The following RELN variants were observed in gnomAD, a reference collection of about 807,000 sequenced individuals.
The protein encoded by RELN is reelin.
In RELN, 108 loss-of-function variants were observed where a neutral mutation model predicts 427.6. That is an observed-to-expected ratio of 0.25 (90% confidence interval 0.22 to 0.30). The LOEUF is 0.30. RELN is among the 10% of genes least tolerant of loss of function. The pLI is 1.00. For synonymous variants in RELN, 1,524 were observed against 1,513.4 expected, an observed-to-expected ratio of 1.01 and a Z score of -0.16; for missense variants, 3,715 against 4,302.8, an observed-to-expected ratio of 0.86 and a Z score of 3.82.
At position 103,503,172 on chromosome 7, in the gene RELN, TACTGC is replaced by T; in HGVS notation, c.8328_8332del (p.Gln2777PhefsTer3). 1 of 1,614,202 alleles carries T rather than the reference TACTGC, an allele frequency of 6.2e-7. No homozygotes were observed. On this transcript the variant is annotated frameshift_variant, in exon 52 of 65. Transcript: ENST00000428762. LOFTEE classifies it high-confidence loss of function. ...CCAACTCACACCGAAGTCAGTAGAA[TACTGC>T]ACATGAATTTGATTCTGGGCAATTT...
At position 103,697,917 on chromosome 7, in the gene RELN, A is replaced by C; in HGVS notation, c.1079T>G (p.Leu360Ter). 6.2e-7 allele frequency: 1 copy of C among 1,613,814 alleles called. No individual in the cohort carries two copies. The highest frequency in any genetic ancestry group is 8.5e-7 in the Non-Finnish European group (1 of 1,179,824). ...IINSAHRQVV[L>*]EDSLDPVDTG... is the part of the protein sequence containing the mutation. Reference sequence around the variant, plus strand: ...GTCCACTGGGTCGAGACTATCTTCTAAAACGACTTGTCTGTGAGCTGAATT... The same window carrying C: ...GTCCACTGGGTCGAGACTATCTTCTCAAACGACTTGTCTGTGAGCTGAATT... Residue 360 changes from leucine to a stop codon, truncating the protein, a stop_gained, in exon 10 of 65, where the codon TTA (leucine) becomes TGA (stop). Coordinates refer to ENST00000428762, the MANE Select transcript of RELN (RefSeq NM_005045.4). LOFTEE classifies it high-confidence loss of function.
chr7:103,788,407 T>C (rs1465247632), intron 3 of RELN, among the ~76,000 whole-genome samples: 1 of 152,170 alleles, frequency 6.6e-6, no homozygotes, highest in Non-Finnish European at 1.5e-5. Flanking sequence ...TTGTCTCTGT[T>C]TGCAGATGAC....
intron 1 of RELN, among the ~76,000 whole-genome samples, chr7:103,918,678 A>G (rs1795542603): frequency 6.6e-6 from 1 of 152,168 alleles, no homozygotes. Flanking sequence ...ATATAAAAGT[A>G]GTGCAAGGTT....
At chr7:103,474,874 T>C (rs549812993) in intron 64 of RELN, among the ~76,000 whole-genome samples, 217 of 152,082 alleles carry the variant, frequency 1.4e-3, no homozygotes, top group African/African-American at 4.8e-3. Flanking sequence ...GAATGCATAA[T>C]TGTATACATG....
chr7:103,684,697 T>C (rs1175206771), intron 10 of RELN, among the ~76,000 whole-genome samples: 2 of 152,144 alleles, frequency 1.3e-5, no homozygotes, highest in African/African-American at 2.4e-5. Flanking sequence ...TCTCAGGTTG[T>C]AGAATGGAAC....
chr7:103,791,102 GA>G lies in RELN; in HGVS notation c.474-14476del, dbSNP rs367592667. Among the ~76,000 whole-genome samples the G allele has an allele frequency of 1.5e-3, 219 of 150,608 alleles. 1 individual carries two copies. The highest frequency in any genetic ancestry group is 4.9e-3 in the African/African-American group (201 of 41,094). On this transcript the variant is annotated intron_variant, in intron 3 of 64. Transcript: ENST00000428762. ...TTGTACATAACTACTAAACATCACT[GA>G]AAAAAAAAGATGGAAATAAATGGAA... is the stretch of plus-strand genomic sequence containing the variant.
chr7:103,535,330 G>A lies in RELN; in HGVS notation c.7335C>T (p.Leu2445=), dbSNP rs1228886851. ...FNKWTRITLP[L]PPYTRSQATR... is the part of the protein sequence containing the mutation. Reference sequence around the variant, plus strand: ...AGCATTCTTACCTGGTATAAGGAGGGAGAGGCAGAGTGATTCTAGTCCACT... The same window carrying A: ...AGCATTCTTACCTGGTATAAGGAGGAAGAGGCAGAGTGATTCTAGTCCACT... The change falls in exon 46 of 65, where the codon CTC becomes CTT. Residue 2445 remains leucine (L), a synonymous_variant. Transcript: ENST00000428762. 2 of 1,613,858 alleles carry A rather than the reference G, an allele frequency of 1.2e-6. No homozygotes were observed. Among genetic ancestry groups the A allele is most frequent in the Non-Finnish European group, 1.7e-6 (2 of 1,179,918 alleles).
chr7:103,728,248 T>G, intron 6 of RELN, 41 bp from the exon 7 acceptor site: 2 of 1,580,278 alleles, frequency 1.3e-6, no homozygotes, highest in Non-Finnish European at 1.7e-6. Context: ...GAGAACTAAG[T>G]AGCACACGTG....
chr7:103,623,393 A>G (rs1260133691), intron 20 of RELN, among the ~76,000 whole-genome samples: 1 of 152,222 alleles, frequency 6.6e-6, no homozygotes, highest in East Asian at 1.9e-4. Flanking sequence ...TATAAGCTAC[A>G]GGTTAATGTT....
intron 41 of RELN, among the ~76,000 whole-genome samples, chr7:103,548,431 C>G (rs1380206680): frequency 6.6e-6 from 1 of 152,200 alleles, no homozygotes; most frequent in African/African-American, 2.4e-5. Flanking sequence ...GAAAATTTAA[C>G]TTTTGCCTTC....
chr7:103,482,700 A>G (rs926758800), intron 63 of RELN, 173 bp downstream of exon 63: 29 of 871,636 alleles, frequency 3.3e-5, no homozygotes, highest in Non-Finnish European at 3.9e-5. Context: ...GGGCTTTGCT[A>G]TTTCACTGAT....
rs1205685450 is a variant in RELN at position 103,496,786 on chromosome 7, C to A, written c.8951-18G>T. The A allele has an allele frequency of 6.2e-7, 1 of 1,612,792 alleles. No homozygotes were observed. Among genetic ancestry groups the A allele is most frequent in the Admixed American group, 1.7e-5 (1 of 59,994 alleles). On this transcript the variant is annotated intron_variant, in intron 55 of 64. Coordinates refer to ENST00000428762, the MANE Select transcript of RELN (RefSeq NM_005045.4). Reference sequence around the variant, plus strand: ...GGTAATTCCTATAATAACAAATATACCAACATAGCAATATATCTAGAATCT... The same window carrying A: ...GGTAATTCCTATAATAACAAATATAACAACATAGCAATATATCTAGAATCT...
At chr7:103,676,915 G>A (rs776807559) in intron 11 of RELN, among the ~76,000 whole-genome samples, 3 of 152,004 alleles carry the variant, frequency 2.0e-5, no homozygotes, top group Non-Finnish European at 4.4e-5. Context: ...GGGAGGGATA[G>A]CATTAGGAGA....
At chr7:103,856,291 A>G (rs1406549966) in intron 2 of RELN, among the ~76,000 whole-genome samples, 1 of 151,976 alleles carries the variant, frequency 6.6e-6, no homozygotes, top group Non-Finnish European at 1.5e-5. Flanking sequence ...CACAAAGCAA[A>G]TATGGGCTGG....
chr7:103,534,122 T>G (rs1194378612), intron 46 of RELN, among the ~76,000 whole-genome samples: 1 of 152,234 alleles, frequency 6.6e-6, no homozygotes, highest in East Asian at 1.9e-4. Flanking sequence ...ATGCCCTAGA[T>G]GAATGGTTGA....
intron 1 of RELN, among the ~76,000 whole-genome samples, chr7:103,957,097 A>C (rs1584399780): frequency 6.6e-6 from 1 of 152,144 alleles, no homozygotes; most frequent in Non-Finnish European, 1.5e-5. Flanking sequence ...TTGGAGGGAC[A>C]CCGGGGTGTT....
chr7:103,875,322 C>A (rs573778376), intron 2 of RELN, among the ~76,000 whole-genome samples: 1 of 150,932 alleles, frequency 6.6e-6, no homozygotes, highest in Non-Finnish European at 1.5e-5. Flanking sequence ...TCCAAAACAC[C>A]AAAAGCAATG....
intron 50 of RELN, among the ~76,000 whole-genome samples, chr7:103,514,715 C>T (rs925276408): frequency 6.6e-6 from 1 of 151,994 alleles, no homozygotes; most frequent in African/African-American, 2.4e-5. Flanking sequence ...CATTGAATAC[C>T]CCTATAGGGA....
chr7:103,797,917 C>T (rs1417222223), intron 3 of RELN, among the ~76,000 whole-genome samples: 3 of 152,204 alleles, frequency 2.0e-5, no homozygotes, highest in Non-Finnish European at 4.4e-5. Flanking sequence ...CTACATCTGA[C>T]AAAGTCATTT....
Sources: gnomAD v4.1 joint callset for allele counts (sites outside exome capture counted in the v4.1 genomes callset) on GRCh38, gnomAD v4.1.1 for gene constraint, MANE v1.5 for transcripts, NCBI Gene and HGNC (gene_info 2026-07-23, HGNC 2026-07-21) for gene names.